Variants in CUL5 observed in about 807,000 individuals in gnomAD.
CUL5 encodes cullin 5.
A neutral mutation model predicts 108.8 loss-of-function variants in CUL5; 26 were observed. The ratio of observed to expected loss-of-function variants is 0.24; its 90% CI spans 0.18 to 0.33. The LOEUF (loss-of-function observed/expected upper bound fraction) is 0.33, where lower values mean the gene tolerates loss of function less well. Among genes scored for constraint, CUL5 ranks in the 10% least tolerant of loss-of-function variants. CUL5 has a pLI of 1.00. For synonymous variants in CUL5, 334 were observed against 298.0 expected, an observed-to-expected ratio of 1.12 and a Z score of -1.25; for missense variants, 524 against 909.2, an observed-to-expected ratio of 0.58 and a Z score of 5.45.
At chr11:108,041,623 T>C (rs757895585) in intron 2 of CUL5, among the ~76,000 whole-genome samples, 4 of 144,090 alleles carry the variant, frequency 2.8e-5, no homozygotes, top group Non-Finnish European at 4.6e-5. Flanking sequence ...AAAGTTTTGC[T>C]CTTGTTGCCT....
Position 108,094,510 on chromosome 11 carries a change from AC to A in CUL5, c.1565del (p.Pro522GlnfsTer7). 1 of 1,385,522 alleles carries A rather than the reference AC, an allele frequency of 7.2e-7. No individual in the cohort carries two copies. The highest frequency in any genetic ancestry group is 1.0e-6 in the Non-Finnish European group (1 of 1,003,284). The allele number at this position is 1,385,522 out of a possible 1,614,324, so 85.8% of individuals were successfully genotyped here. The part of the protein sequence containing the change: ...EMHKNNKLAL[P>X]ADSVNIKILN... ...TGCACAAAAATAATAAATTGGCATT[AC>A]CAGGTATTATTTTATAATTACATGT... On this transcript the variant is annotated frameshift_variant, in exon 14 of 19. Coordinates refer to ENST00000393094, the MANE Select transcript of CUL5 (RefSeq NM_003478.6). LOFTEE classifies it high-confidence loss of function.
chr11:108,095,112 T>A, intron 15 of CUL5, 125 bp downstream of exon 15: 2 of 773,720 alleles, frequency 2.6e-6, no homozygotes, highest in Non-Finnish European at 4.0e-6. Context: ...GCAGAAATAG[T>A]GAATTTTTTT....
chr11:108,060,408 C>T (rs910546925), intron 7 of CUL5, among the ~76,000 whole-genome samples: 5 of 152,082 alleles, frequency 3.3e-5, no homozygotes, highest in African/African-American at 1.2e-4. Context: ...TTTAGTTCAA[C>T]TCTTACGTTG....
In CUL5 at chr11:108,049,096, T is replaced by C. The variant is rs142914777; in HGVS notation, c.235-794T>C. On this transcript the variant is annotated intron_variant, in intron 3 of 18. Transcript: ENST00000393094. ...CAACCATCACCCAATAATCCCAGAA[T>C]ATTTTCATCACCCTAAAAAGAAATC... is the stretch of plus-strand genomic sequence containing the variant. Among the ~76,000 whole-genome samples, 663 of 152,312 alleles carry C rather than the reference T, an allele frequency of 4.4e-3. 3 individuals are homozygous for C. The Middle Eastern group carries it at 0.058, about 13-fold the overall frequency.
At chr11:108,094,539 A>G (rs776791251) in intron 14 of CUL5, 25 bp downstream of exon 14, 6 of 1,174,906 alleles carry the variant, frequency 5.1e-6, no homozygotes, top group Non-Finnish European at 5.9e-6. Flanking sequence ...TTACATGTAT[A>G]TATTTTTTAA....
chr11:108,077,197 G>A (rs1266065740), intron 10 of CUL5, among the ~76,000 whole-genome samples: 2 of 152,206 alleles, frequency 1.3e-5, no homozygotes, highest in Non-Finnish European at 2.9e-5. Context: ...TGAGAAGGGA[G>A]AAATGATCCA....
intron 2 of CUL5, among the ~76,000 whole-genome samples, chr11:108,035,990 G>C (rs1157916254): frequency 6.6e-6 from 1 of 152,174 alleles, no homozygotes. Context: ...AAGTCCGAGT[G>C]ATCAGCGAGA....
chr11:108,073,440 T>G lies in CUL5; in HGVS notation c.1056T>G (p.Ser352Arg). ...TACTTACACTATTTAATAGATTTAG[T>G]AAACTCGTCAAAGAAGCTTTTCAAG... ...EQLLTLFNRFSKLVKEAFQDD... is the reference protein window; with the variant it reads ...EQLLTLFNRFRKLVKEAFQDD... Residue 352 changes from serine to arginine, a missense_variant, in exon 10 of 19, where the codon AGT becomes AGG. Ser to Arg is a moderately radical substitution (Grantham distance 110). Around this residue, in one of 8 missense-constraint regions of CUL5, gnomAD observed 27 missense variants for 21.3 expected, o/e 1.27. Coordinates refer to ENST00000393094, the MANE Select transcript of CUL5 (RefSeq NM_003478.6). The G allele has an allele frequency of 6.3e-7, 1 of 1,599,428 alleles. No individual in the cohort carries two copies. Among genetic ancestry groups the G allele is most frequent in the Non-Finnish European group, 8.5e-7 (1 of 1,171,348 alleles).
intron 13 of CUL5, among the ~76,000 whole-genome samples, chr11:108,093,021 A>C (rs1336332741): frequency 1.3e-5 from 2 of 151,950 alleles, no homozygotes; most frequent in Non-Finnish European, 2.9e-5. Flanking sequence ...TCACCATGTT[A>C]GCCAGGCTGG....
Position 108,097,692 on chromosome 11 carries a change from C to G in CUL5, c.1962C>G (p.Val654=). 1 of 1,613,802 alleles carries G rather than the reference C, an allele frequency of 6.2e-7. No homozygotes were observed. The highest frequency in any genetic ancestry group is 1.3e-5 in the African/African-American group (1 of 75,048). ...KRQVLLYEPQ[V]NSPKDFTEGT... The stretch of plus-strand genomic sequence containing the variant: ...AAGTTTTGTTGTATGAACCTCAAGT[C>G]AACTCACCCAAAGACTTTACAGAAG... The change falls in exon 17 of 19, where the codon GTC becomes GTG. Residue 654 remains valine (V), a synonymous_variant. Transcript: ENST00000393094.
chr11:108,104,582 C>T lies in CUL5; in HGVS notation c.*198C>T, dbSNP rs1356721908. On this transcript the variant is annotated 3_prime_UTR_variant, in exon 19 of 19. Transcript: ENST00000393094. ...TGGCATTCCCTTCATGTTGCACACT[C>T]TTTGACAGCATGCTGTTTTGTGGAG... The T allele has an allele frequency of 1.2e-5, 5 of 405,526 alleles. No homozygotes were observed. Among genetic ancestry groups the T allele is most frequent in the Middle Eastern group, 6.2e-4 (1 of 1,618 alleles). The allele number at this position is 405,526 out of a possible 1,614,324, so 25.1% of individuals were successfully genotyped here.
chr11:108,019,264 C>A (rs963802411), intron 1 of CUL5, among the ~76,000 whole-genome samples: 1 of 151,998 alleles, frequency 6.6e-6, no homozygotes, highest in African/African-American at 2.4e-5. Flanking sequence ...GACAACTGTA[C>A]AGTAGTTTGA....
At position 108,094,489 on chromosome 11, in the gene CUL5, C is replaced by A; in HGVS notation, c.1542C>A (p.His514Gln). The A allele has an allele frequency of 1.4e-6, 2 of 1,475,076 alleles. No individual in the cohort carries two copies. Among genetic ancestry groups the A allele is most frequent in the South Asian group, 1.3e-5 (1 of 79,056 alleles). The allele number at this position is 1,475,076 out of a possible 1,614,324, so 91.4% of individuals were successfully genotyped here. The change falls in exon 14 of 19, where the codon CAC becomes CAA. Residue 514 changes from histidine (H) to glutamine (Q), a missense_variant. Physicochemically the swap from His to Gln is conservative, Grantham distance 24. Around this residue, in one of 8 missense-constraint regions of CUL5, gnomAD observed 23 missense variants for 19.9 expected, o/e 1.16. Transcript: ENST00000393094. ...EDLNQAFKEM[H>Q]KNNKLALPAD... is the part of the protein sequence containing the mutation. The stretch of plus-strand genomic sequence containing the variant: ...TGAACCAAGCTTTTAAGGAAATGCA[C>A]AAAAATAATAAATTGGCATTACCAG...
chr11:108,075,402 G>A (rs1863918905), intron 10 of CUL5, among the ~76,000 whole-genome samples: 1 of 152,164 alleles, frequency 6.6e-6, no homozygotes, highest in African/African-American at 2.4e-5. Context: ...TATTTCTGCA[G>A]TTTTAGGAAA....
chr11:108,059,946 A>G (rs1467995939), intron 7 of CUL5, among the ~76,000 whole-genome samples: 1 of 152,016 alleles, frequency 6.6e-6, no homozygotes, highest in Non-Finnish European at 1.5e-5. Context: ...AATATGTTAC[A>G]TTAAGCATTT....
At chr11:108,083,611 T>C (rs1864151400) in intron 11 of CUL5, among the ~76,000 whole-genome samples, 1 of 152,226 alleles carries the variant, frequency 6.6e-6, no homozygotes, top group South Asian at 2.1e-4. Flanking sequence ...GGCAATGTAG[T>C]GAGACCCATC....
intron 10 of CUL5, among the ~76,000 whole-genome samples, chr11:108,077,494 G>A (rs1286585621): frequency 6.6e-6 from 1 of 152,120 alleles, no homozygotes; most frequent in South Asian, 2.1e-4. Flanking sequence ...GCCAGGCACG[G>A]TGGTGCGCAC....
chr11:108,024,066 C>T (rs117439163), intron 1 of CUL5, among the ~76,000 whole-genome samples: 351 of 152,256 alleles, frequency 2.3e-3, no homozygotes, highest in Middle Eastern at 6.8e-3. Flanking sequence ...TGAAATTAAG[C>T]CAAGGGCTGG....
chr11:108,057,620 T>C (rs1022085912), intron 7 of CUL5, among the ~76,000 whole-genome samples: 2 of 152,148 alleles, frequency 1.3e-5, no homozygotes, highest in African/African-American at 4.8e-5. Flanking sequence ...CTTCAAGGTG[T>C]CAAGACTGTA....
Sources: gnomAD v4.1 joint callset for allele counts (sites outside exome capture counted in the v4.1 genomes callset) on GRCh38, gnomAD v4.1.1 for gene constraint, gnomAD v4.1.1 regional missense constraint, MANE v1.5 for transcripts, NCBI Gene and HGNC (gene_info 2026-07-23, HGNC 2026-07-21) for gene names.